Variants in FAF1 observed in about 807,000 individuals in gnomAD.
The protein encoded by FAF1 is Fas associated factor 1, also known as FAS-associated factor 1.
FAF1 carries 25 observed loss-of-function variants against 92.5 expected under a neutral mutation model. The observed-to-expected ratio is 0.27, with a 90% confidence interval of 0.20 to 0.38. The LOEUF is 0.38. Ranked by LOEUF, FAF1 falls within the 10% of genes least tolerant of loss-of-function variation. FAF1 has a pLI of 1.00. For missense variants in FAF1, 636 were observed against 793.3 expected, an observed-to-expected ratio of 0.80 and a Z score of 2.38; for synonymous variants, 234 against 273.2, an observed-to-expected ratio of 0.86 and a Z score of 1.42.
chr1:50,480,523 G>A (rs1375306235), intron 17 of FAF1, among the ~76,000 whole-genome samples: 5 of 152,166 alleles, frequency 3.3e-5, no homozygotes, highest in Non-Finnish European at 1.5e-5. Flanking sequence ...GTCAGGCATT[G>A]TTCTAAATGA....
intron 7 of FAF1, among the ~76,000 whole-genome samples, chr1:50,694,968 A>T (rs973847748): frequency 2.0e-5 from 3 of 152,066 alleles, no homozygotes; most frequent in Non-Finnish European, 2.9e-5. Flanking sequence ...TCAAAAAAAA[A>T]ATTATGGCAT....
intron 7 of FAF1, among the ~76,000 whole-genome samples, chr1:50,691,814 C>A (rs1022784739): frequency 6.6e-6 from 1 of 152,148 alleles, no homozygotes; most frequent in Non-Finnish European, 1.5e-5. Flanking sequence ...AGCCATCGTG[C>A]CTGGCCATTT....
chr1:50,470,849 T>C (rs1323494944), intron 18 of FAF1: 1 of 152,218 alleles, frequency 6.6e-6, no homozygotes, highest in Non-Finnish European at 1.5e-5. Flanking sequence ...ACTTTGCTAT[T>C]CTGCTTCCAC....
intron 1 of FAF1, among the ~76,000 whole-genome samples, chr1:50,862,750 A>AG (rs1367551298): frequency 6.6e-6 from 1 of 151,882 alleles, no homozygotes; most frequent in East Asian, 1.9e-4. Context: ...TTCTTATATG[A>AG]GAAAAAAACA....
chr1:50,694,331 C>T (rs1417948872), intron 7 of FAF1, among the ~76,000 whole-genome samples: 2 of 151,942 alleles, frequency 1.3e-5, no homozygotes, highest in Non-Finnish European at 2.9e-5. Context: ...CCTTTGATAA[C>T]AGAACACCAA....
At chr1:50,449,222 G>A (rs543847363) in intron 18 of FAF1, among the ~76,000 whole-genome samples, 1 of 152,196 alleles carries the variant, frequency 6.6e-6, no homozygotes, top group East Asian at 1.9e-4. Context: ...CCTAAGATTG[G>A]ATTCATTTAT....
At chr1:50,515,482 G>A (rs1647205530) in intron 15 of FAF1, among the ~76,000 whole-genome samples, 1 of 152,114 alleles carries the variant, frequency 6.6e-6, no homozygotes, top group African/African-American at 2.4e-5. Context: ...GATTCAGTAG[G>A]TCTAGCTTGG....
chr1:50,721,251 GAGACGAGTCTCACTCTTATCACC>G (rs1158452079), intron 6 of FAF1, among the ~76,000 whole-genome samples: 1 of 151,654 alleles, frequency 6.6e-6, no homozygotes, highest in African/African-American at 2.4e-5. Flanking sequence ...GGAGATAAGT[GAGACGAGTCTCACTCTTATCACC>G]AGCGATCTCT....
intron 1 of FAF1, among the ~76,000 whole-genome samples, chr1:50,888,817 A>G (rs972389911): frequency 6.6e-6 from 1 of 152,108 alleles, no homozygotes; most frequent in Admixed American, 6.5e-5. Flanking sequence ...ATATTGGTCT[A>G]AAATTCTCTT....
At chr1:50,729,059 T>TA (rs1491171349) in intron 6 of FAF1, among the ~76,000 whole-genome samples, 1,136 of 37,880 alleles carry the variant, frequency 0.03, 9 homozygotes, top group African/African-American at 0.099. Flanking sequence ...TATATATATA[T>TA]TTTTTTTTTT....
chr1:50,734,830 A>C (rs576258270), intron 6 of FAF1, among the ~76,000 whole-genome samples: 1 of 152,200 alleles, frequency 6.6e-6, no homozygotes, highest in South Asian at 2.1e-4. Context: ...AAAACTCCAC[A>C]GGCAACTGGG....
chr1:50,958,594 C>T (rs1385412394), intron 1 of FAF1, among the ~76,000 whole-genome samples: 2 of 151,548 alleles, frequency 1.3e-5, no homozygotes, highest in Non-Finnish European at 2.9e-5. Context: ...AGGAGAATGG[C>T]GTGAACCTGG....
chr1:50,757,747 A>G (rs1041111342), intron 4 of FAF1, among the ~76,000 whole-genome samples: 1 of 152,070 alleles, frequency 6.6e-6, no homozygotes, highest in Non-Finnish European at 1.5e-5. Flanking sequence ...TATATGTATT[A>G]TAATTATTTA....
chr1:50,837,105 C>T (rs1326806575), intron 2 of FAF1, among the ~76,000 whole-genome samples: 1 of 151,490 alleles, frequency 6.6e-6, no homozygotes, highest in African/African-American at 2.4e-5. Flanking sequence ...CTACAGGCAC[C>T]CGCCACCATG....
chr1:50,514,867 A>T (rs1647194367), intron 15 of FAF1, among the ~76,000 whole-genome samples: 1 of 152,192 alleles, frequency 6.6e-6, no homozygotes, highest in Admixed American at 6.5e-5. Context: ...AAACCAATCC[A>T]GAGACAATGT....
intron 2 of FAF1, among the ~76,000 whole-genome samples, chr1:50,821,282 T>A (rs11205777): frequency 0.12 from 18,357 of 152,194 alleles, 1,378 homozygotes; most frequent in African/African-American, 0.21. Flanking sequence ...AGAAATTCAG[T>A]TATATCAAAC....
chr1:50,887,887 T>C (rs763533498), intron 1 of FAF1, among the ~76,000 whole-genome samples: 7 of 152,344 alleles, frequency 4.6e-5, no homozygotes, highest in Non-Finnish European at 8.8e-5. Context: ...ATATGAACTT[T>C]AAAGTAGTTT....
chr1:50,574,896 C>CTGTTTTTTTTTTTTTTTTT lies in FAF1; in HGVS notation c.1114-7666_1114-7665insAAAAAAAAAAAAAAAAACA, dbSNP rs1558000811. On this transcript the variant is annotated intron_variant, in intron 12 of 18. Transcript: ENST00000396153. ...GTTTAAGCATATAGAGTTGTATTAA[C>CTGTTTTTTTTTTTTTTTTT]TCTTTTTTTTTTTTTTTTTTTTTTT... Among the ~76,000 whole-genome samples the CTGTTTTTTTTTTTTTTTTT allele has an allele frequency of 2.0e-4, 24 of 122,906 alleles. 1 individual carries two copies. Among genetic ancestry groups the CTGTTTTTTTTTTTTTTTTT allele is most frequent in the African/African-American group, 7.8e-4 (24 of 30,798 alleles). The allele number at this position is 122,906 out of a possible 152,430, so 80.6% of individuals were successfully genotyped here. A position where few individuals can be genotyped will look rare whatever the true frequency, so the allele number is the denominator to read the frequency against.
intron 1 of FAF1, among the ~76,000 whole-genome samples, chr1:50,953,893 G>A (rs575966958): frequency 1.3e-5 from 2 of 151,928 alleles, no homozygotes; most frequent in East Asian, 3.9e-4. Context: ...CCAAATTAGA[G>A]AAGAAATAAA....
Sources: allele counts gnomAD v4.1 joint callset (sites outside exome capture counted in the v4.1 genomes callset), GRCh38; gene constraint gnomAD v4.1.1; transcripts MANE v1.5; gene names NCBI Gene and HGNC (gene_info 2026-07-23, HGNC 2026-07-21).